DDR2: variants seen among roughly 807,000 people sequenced by gnomAD.
DDR2 encodes discoidin domain-containing receptor 2.
A neutral mutation model predicts 94.9 loss-of-function variants in DDR2; 27 were observed. The observed-to-expected ratio is 0.28, with a 90% CI of 0.21 to 0.39. The LOEUF (loss-of-function observed/expected upper bound fraction) is 0.39. Ranked by LOEUF, DDR2 falls within the 10% of genes least tolerant of loss-of-function variation. The pLI is 1.00. For missense variants in DDR2, 783 were observed against 1,076.0 expected, an observed-to-expected ratio of 0.73 and a Z score of 3.81; for synonymous variants, 382 against 377.2, an observed-to-expected ratio of 1.01 and a Z score of -0.15.
At chr1:162,735,329 C>T (rs552435747) in intron 3 of DDR2, among the ~76,000 whole-genome samples, 1 of 152,278 alleles carries the variant, frequency 6.6e-6, no homozygotes, top group Admixed American at 6.5e-5. Context: ...ACATGTGTAA[C>T]AAGTTATTTA....
chr1:162,751,472 G>A (rs574963534), intron 3 of DDR2, among the ~76,000 whole-genome samples: 12 of 152,296 alleles, frequency 7.9e-5, no homozygotes, highest in African/African-American at 2.6e-4. Flanking sequence ...AGTTAGAATG[G>A]CAATCATTAA....
At chr1:162,711,839 CAT>C (rs1660932046) in intron 2 of DDR2, among the ~76,000 whole-genome samples, 1 of 150,754 alleles carries the variant, frequency 6.6e-6, no homozygotes, top group Admixed American at 6.6e-5. Context: ...CACATGCACA[CAT>C]GTACGTATAT....
intron 1 of DDR2, among the ~76,000 whole-genome samples, chr1:162,642,236 C>T (rs904796635): frequency 6.6e-5 from 10 of 152,060 alleles, no homozygotes; most frequent in South Asian, 2.1e-4. Context: ...GGATTACAGG[C>T]GTAAGCCACC....
At chr1:162,776,099 C>A in intron 15 of DDR2, 37 bp from the exon 16 acceptor site, 2 of 1,563,936 alleles carry the variant, frequency 1.3e-6, no homozygotes, top group Non-Finnish European at 1.8e-6. Context: ...TTCCTGTTTC[C>A]ATAGGCTACC....
intron 2 of DDR2, among the ~76,000 whole-genome samples, chr1:162,675,732 G>GT (rs1306182571): frequency 2.0e-5 from 3 of 152,166 alleles, no homozygotes; most frequent in Admixed American, 2.0e-4. Context: ...GGTCAATGAA[G>GT]TTTTATTTAA....
chr1:162,742,187 G>A (rs1344071046), intron 3 of DDR2, among the ~76,000 whole-genome samples: 1 of 152,228 alleles, frequency 6.6e-6, no homozygotes, highest in South Asian at 2.1e-4. Flanking sequence ...TAGGCAAAGT[G>A]ATATTACATT....
intron 2 of DDR2, among the ~76,000 whole-genome samples, chr1:162,708,618 G>A (rs868349008): frequency 4.6e-5 from 7 of 152,198 alleles, no homozygotes; most frequent in Non-Finnish European, 8.8e-5. Context: ...CTCAGCCCAG[G>A]CTGATTTCTG....
intron 3 of DDR2, among the ~76,000 whole-genome samples, chr1:162,727,810 C>A (rs958887183): frequency 1.3e-5 from 2 of 148,860 alleles, no homozygotes; most frequent in Non-Finnish European, 3.0e-5. Context: ...CATAAAAAAA[C>A]CTCACTGATT....
chr1:162,639,548 AG>A (rs1657019976), intron 1 of DDR2, among the ~76,000 whole-genome samples: 1 of 152,222 alleles, frequency 6.6e-6, no homozygotes, highest in Admixed American at 6.6e-5. Context: ...AAAATAACAT[AG>A]GAAAAAATCT....
intron 1 of DDR2, among the ~76,000 whole-genome samples, chr1:162,652,321 G>A (rs1657737129): frequency 6.6e-6 from 1 of 152,200 alleles, no homozygotes; most frequent in Non-Finnish European, 1.5e-5. Context: ...GGGGCAGATT[G>A]GAAAGCTGAA....
At chr1:162,753,050 A>G (rs1241851342) in intron 3 of DDR2, 45 bp from the exon 4 acceptor site, 2 of 1,543,390 alleles carry the variant, frequency 1.3e-6, no homozygotes, top group African/African-American at 1.4e-5. Context: ...GGAAATAAAA[A>G]TAAAACCATG....
At chr1:162,741,240 A>G (rs1662588377) in intron 3 of DDR2, among the ~76,000 whole-genome samples, 2 of 141,694 alleles carry the variant, frequency 1.4e-5, no homozygotes, top group African/African-American at 2.6e-5. Context: ...AATATAATAT[A>G]ATATAGTATA....
At chr1:162,728,487 G>C (rs1395882330) in intron 3 of DDR2, among the ~76,000 whole-genome samples, 1 of 152,032 alleles carries the variant, frequency 6.6e-6, no homozygotes, top group Non-Finnish European at 1.5e-5. Context: ...CAAAGGTGGG[G>C]TTAGGATGGC....
intron 2 of DDR2, among the ~76,000 whole-genome samples, chr1:162,694,349 G>A (rs1023966096): frequency 4.6e-5 from 7 of 152,124 alleles, no homozygotes; most frequent in Non-Finnish European, 1.0e-4. Context: ...ACACCAAGGC[G>A]ATTCCATGTT....
intron 3 of DDR2, among the ~76,000 whole-genome samples, chr1:162,722,368 A>G (rs930986681): frequency 1.1e-4 from 16 of 152,196 alleles, no homozygotes; most frequent in African/African-American, 3.9e-4. Context: ...ATGAAGGTGT[A>G]TATACATAGT....
intron 2 of DDR2, among the ~76,000 whole-genome samples, chr1:162,701,427 T>C (rs887607446): frequency 3.3e-5 from 5 of 152,276 alleles, no homozygotes; most frequent in African/African-American, 1.2e-4. Flanking sequence ...ACAAGCCATA[T>C]GGCTCTTGGC....
chr1:162,755,140 T>C lies in DDR2; in HGVS notation c.418-16T>C. The C allele has an allele frequency of 1.2e-6, 2 of 1,614,090 alleles. No individual in the cohort carries two copies. The highest frequency in any genetic ancestry group is 2.2e-5 in the East Asian group (1 of 44,882). ...TTTAATACCACCTCTTCACTCATTC[T>C]CTTCTCTCTCCTCAGGTGCTGGATG... On this transcript the variant is annotated splice_polypyrimidine_tract_variant and intron_variant, in intron 5 of 17. Transcript: ENST00000367921.
At chr1:162,741,872 C>T (rs546311834) in intron 3 of DDR2, among the ~76,000 whole-genome samples, 2 of 152,316 alleles carry the variant, frequency 1.3e-5, no homozygotes, top group South Asian at 4.1e-4. Context: ...ACACTTAGCA[C>T]ACTCAGCGAC....
intron 2 of DDR2, among the ~76,000 whole-genome samples, chr1:162,665,563 ATTT>A (rs5778284): frequency 6.8e-4 from 96 of 141,320 alleles, no homozygotes; most frequent in African/African-American, 2.0e-3. Flanking sequence ...TGCATGTATG[ATTT>A]TTTTTTTTTT....
Sources: allele counts gnomAD v4.1 joint callset (sites outside exome capture counted in the v4.1 genomes callset), GRCh38; gene constraint gnomAD v4.1.1; transcripts MANE v1.5; gene names NCBI Gene and HGNC (gene_info 2026-07-23, HGNC 2026-07-21).